Variants in CBX2 observed in about 807,000 individuals in gnomAD.
CBX2 encodes the protein chromobox protein homolog 2.
Under a neutral mutation model 21.0 loss-of-function variants are expected in CBX2, and 11 were observed. The observed-to-expected ratio is 0.52, with a 90% confidence interval of 0.33 to 0.87. The LOEUF (loss-of-function observed/expected upper bound fraction) is 0.87. CBX2 is among the 40% of genes least tolerant of loss of function. The probability of loss-of-function intolerance (pLI) is 0.02; values close to 1 mark genes in which losing one functional copy is unlikely to be tolerated. For missense variants in CBX2, 746 were observed against 724.3 expected, an observed-to-expected ratio of 1.03 and a Z score of -0.34; for synonymous variants, 364 against 304.6, an observed-to-expected ratio of 1.19 and a Z score of -2.03.
intron 3 of CBX2, 103 bp downstream of exon 3, chr17:79,779,530 G>C: frequency 1.0e-6 from 1 of 999,200 alleles, no homozygotes; most frequent in Non-Finnish European, 1.6e-6. Flanking sequence ...AGCTGGGGCT[G>C]TGGTCTGAGG....
rs1466913027 is a variant in CBX2, at chr17:79,778,855, C to G, written c.116+428C>G. ...GTGTTTGGCATCCCCGGAAGGGGCT[C>G]TCTGCACAGCTGCTCCCGCGGCCCC... On this transcript the variant is annotated intron_variant, in intron 2 of 4. Transcript: ENST00000310942. The surrounding 1 kb of genome is among the most constrained non-coding windows in gnomAD (Gnocchi z 4.8). 1.3e-5 allele frequency among the ~76,000 whole-genome samples: 2 copies of G among 152,056 alleles called. No individual in the cohort carries two copies. Among genetic ancestry groups the G allele is most frequent in the Non-Finnish European group, 2.9e-5 (2 of 67,998 alleles).
chr17:79,782,188 C>T (rs1555830556), intron 4 of CBX2: 2 of 1,612,048 alleles, frequency 1.2e-6, no homozygotes, highest in Non-Finnish European at 8.5e-7. Context: ...ACTCAAAAGC[C>T]TAAGATTTGG....
In CBX2 at chr17:79,778,164, C is replaced by G. The variant is rs1361315274; in HGVS notation, c.-72C>G. On this transcript the variant is annotated 5_prime_UTR_variant, in exon 1 of 5. Coordinates refer to ENST00000310942, the MANE Select transcript of CBX2 (RefSeq NM_005189.3). The surrounding 1 kb of genome is among the most constrained non-coding windows in gnomAD (Gnocchi z 4.8). ...GGCGGGGGCGGTGCTTTGTGTGCTGCCGGCGGGGCGCGCGGCGGTCCGGGC... is the reference window on the plus strand; with the variant it reads ...GGCGGGGGCGGTGCTTTGTGTGCTGGCGGCGGGGCGCGCGGCGGTCCGGGC... 2.3e-4 allele frequency: 205 copies of G among 908,204 alleles called. 1 individual carries two copies. The highest frequency in any genetic ancestry group is 4.6e-4 in the Admixed American group (9 of 19,598). The allele number at this position is 908,204 out of a possible 1,614,324, so 56.3% of individuals were successfully genotyped here. A position where few individuals can be genotyped will look rare whatever the true frequency, so the allele number is the denominator to read the frequency against.
chr17:79,782,584 C>A, intron 4 of CBX2: 3 of 813,630 alleles, frequency 3.7e-6, no homozygotes, highest in East Asian at 8.9e-5. Context: ...ACCTGCCTTT[C>A]CAGGAGGATT....
At chr17:79,782,415 G>T (rs1028346772) in intron 4 of CBX2, 1 of 1,338,472 alleles carries the variant, frequency 7.5e-7, no homozygotes, top group Non-Finnish European at 9.6e-7. Context: ...CGCCCCTGGG[G>T]TCCGTGGTAG....
chr17:79,781,874 G>A (rs1555830382), intron 4 of CBX2, 73 bp downstream of exon 4: 2 of 1,614,192 alleles, frequency 1.2e-6, no homozygotes, highest in East Asian at 4.5e-5. Flanking sequence ...GCAGAGGGAG[G>A]GTTTGGGGCC....
intron 4 of CBX2, chr17:79,782,511 C>T (rs1188251356): frequency 2.6e-6 from 3 of 1,175,316 alleles, no homozygotes; most frequent in South Asian, 1.9e-5. Flanking sequence ...GCTTTGATTC[C>T]CTCCTCCGGG....
chr17:79,784,189 G>T lies in CBX2; in HGVS notation c.746G>T (p.Gly249Val). 1.2e-6 allele frequency: 2 copies of T among 1,612,872 alleles called. No homozygotes were observed. The highest frequency in any genetic ancestry group is 1.7e-6 in the Non-Finnish European group (2 of 1,179,956). ...KGMASSPGRG[G>V]ISWQSSIVHY... ...ATGGCCAGTAGCCCCGGCCGGGGTG[G>T]CATCAGCTGGCAGAGCTCCATCGTG... Residue 249 changes from glycine to valine, a missense_variant, in exon 5 of 5, where the codon GGC (glycine) becomes GTC (valine). Gly to Val is a moderately radical substitution (Grantham distance 109). Coordinates refer to ENST00000310942, the MANE Select transcript of CBX2 (RefSeq NM_005189.3). The surrounding 1 kb of genome is among the most constrained non-coding windows in gnomAD (Gnocchi z 5.9).
At position 79,785,468 on chromosome 17, in the gene CBX2, C is replaced by A. The variant is rs969993598; in HGVS notation, c.*426C>A. The A allele has an allele frequency of 2.0e-5, 5 of 250,902 alleles. No individual in the cohort carries two copies. Among genetic ancestry groups the A allele is most frequent in the African/African-American group, 8.8e-5 (4 of 45,576 alleles). 15.5% of individuals were successfully genotyped at this position (250,902 alleles called of 1,614,324 possible). A position where few individuals can be genotyped will look rare whatever the true frequency, so the allele number is the denominator to read the frequency against. On this transcript the variant is annotated 3_prime_UTR_variant, in exon 5 of 5. Coordinates refer to ENST00000310942, the MANE Select transcript of CBX2 (RefSeq NM_005189.3). ...GGGCTGAGGTGTCAGGAGGGGACTT[C>A]TGGCCCACCTTGCCTTCAGCCCTGG...
upstream of CBX2, among the ~76,000 whole-genome samples, chr17:79,777,671 T>C (rs1906816957): frequency 6.6e-6 from 1 of 151,566 alleles, no homozygotes; most frequent in Non-Finnish European, 1.5e-5. Flanking sequence ...GAAAAGCCAG[T>C]TCAAGAAGCC....
In CBX2 at chr17:79,779,398, C is replaced by T; in HGVS notation, c.153C>T (p.Asp51=). The change falls in exon 3 of 5, where the codon GAC becomes GAT. Residue 51 remains aspartate, a synonymous_variant. Coordinates refer to ENST00000310942, the MANE Select transcript of CBX2 (RefSeq NM_005189.3). Reference sequence around the variant, plus strand: ...GGGAGCCGGAGGAGAACATCCTGGACCCGAGGCTGCTCCTGGCCTTCCAGA... The same window carrying T: ...GGGAGCCGGAGGAGAACATCCTGGATCCGAGGCTGCTCCTGGCCTTCCAGA... ...NSWEPEENIL[D]PRLLLAFQKK... 6.2e-7 allele frequency: 1 copy of T among 1,613,860 alleles called. No individual in the cohort carries two copies. Among genetic ancestry groups the T allele is most frequent in the South Asian group, 1.1e-5 (1 of 91,046 alleles).
chr17:79,783,499 T>C (rs1907389397), intron 4 of CBX2, among the ~76,000 whole-genome samples: 1 of 150,424 alleles, frequency 6.6e-6, no homozygotes, highest in Non-Finnish European at 1.5e-5. Flanking sequence ...AGCCTCCACC[T>C]CCCGATTTGA....
Position 79,783,767 on chromosome 17 carries a change from TTCCTCCTCTTCCTCCACGTCA to T in CBX2, c.339_359del (p.Thr114_Ser120del), listed in dbSNP as rs782585752. Reference sequence around the variant, plus strand: ...CTCCCTCCAAATCCAAGTCCAGCAGTTCCTCCTCTTCCTCCACGTCATCCTCCTCTTCCTCAGATGAAGAGG... The same window carrying T: ...CTCCCTCCAAATCCAAGTCCAGCAGTTCCTCCTCTTCCTCAGATGAAGAGG... On this transcript the variant is annotated inframe_deletion, in exon 5 of 5. Transcript: ENST00000310942. 40 of 1,557,462 alleles carry T rather than the reference TTCCTCCTCTTCCTCCACGTCA, an allele frequency of 2.6e-5. No homozygotes were observed. Among genetic ancestry groups the T allele is most frequent in the Middle Eastern group, 1.7e-4 (1 of 6,014 alleles).
In CBX2 at chr17:79,778,513, G is replaced by A; in HGVS notation, c.116+86G>A. Reference sequence around the variant, plus strand: ...AGCCCCTCGGCCGCGCCGTCCGGTGGCCTGGGGGCGCCCGCGGGCAGAGCG... The same window carrying A: ...AGCCCCTCGGCCGCGCCGTCCGGTGACCTGGGGGCGCCCGCGGGCAGAGCG... On this transcript the variant is annotated intron_variant, in intron 2 of 4. Coordinates refer to ENST00000310942, the MANE Select transcript of CBX2 (RefSeq NM_005189.3). This position sits in a 1 kb window ranked among gnomAD's most constrained non-coding sequence, Gnocchi z 4.8. 1.3e-6 allele frequency: 1 copy of A among 783,344 alleles called. No homozygotes were observed. The highest frequency in any genetic ancestry group is 1.8e-6 in the Non-Finnish European group (1 of 545,554). 48.5% of individuals were successfully genotyped at this position (783,344 alleles called of 1,614,324 possible).
At position 79,785,270 on chromosome 17, in the gene CBX2, C is replaced by T. The variant is rs79823889; in HGVS notation, c.*228C>T. 2 of 592,000 alleles carry T rather than the reference C, an allele frequency of 3.4e-6. No individual in the cohort carries two copies. The highest frequency in any genetic ancestry group is 6.0e-6 in the Non-Finnish European group (2 of 331,808). The allele number at this position is 592,000 out of a possible 1,614,324, so 36.7% of individuals were successfully genotyped here. On this transcript the variant is annotated 3_prime_UTR_variant, in exon 5 of 5. Coordinates refer to ENST00000310942, the MANE Select transcript of CBX2 (RefSeq NM_005189.3). ...TTGTTGGTCTCCACCTTGTTCCTAC[C>T]TCTGCAGGCCTCTTTGCTCTCCCCT...
At chr17:79,779,456 TGTG>T in intron 3 of CBX2, 29 bp downstream of exon 3, 1 of 1,595,874 alleles carries the variant, frequency 6.3e-7, no homozygotes. Flanking sequence ...CTGGGGAGGG[TGTG>T]GGGGAGGGAC....
chr17:79,783,221 CTCTA>C (rs1268386704), intron 4 of CBX2, among the ~76,000 whole-genome samples: 1 of 152,098 alleles, frequency 6.6e-6, no homozygotes, highest in African/African-American at 2.4e-5. Flanking sequence ...CTATTTTTCT[CTCTA>C]TCTACCTTTA....
At position 79,784,418 on chromosome 17, in the gene CBX2, G is replaced by C. The variant is rs782018806; in HGVS notation, c.975G>C (p.Gly325=). Residue 325 remains glycine (G), a synonymous_variant, in exon 5 of 5, where the codon GGG becomes GGC. Transcript: ENST00000310942. This position sits in a 1 kb window ranked among gnomAD's most constrained non-coding sequence, Gnocchi z 5.9. ...GAVEQKVGNT[G]GPPHTHGASR... is the part of the protein sequence containing the mutation. ...TGGAGCAGAAAGTGGGGAACACAGGGGGCCCCCCGCACACCCATGGTGCCA... is the reference window on the plus strand; with the variant it reads ...TGGAGCAGAAAGTGGGGAACACAGGCGGCCCCCCGCACACCCATGGTGCCA... 1.4e-5 allele frequency: 23 copies of C among 1,611,838 alleles called. No individual in the cohort carries two copies. The highest frequency in any genetic ancestry group is 2.2e-5 in the South Asian group (2 of 91,020).
rs1906949745 is a variant in CBX2 at position 79,778,948 on chromosome 17, C to A, written c.117-414C>A. Among the ~76,000 whole-genome samples the A allele has an allele frequency of 6.6e-6, 1 of 152,224 alleles. No homozygotes were observed. Among genetic ancestry groups the A allele is most frequent in the Admixed American group, 6.5e-5 (1 of 15,292 alleles). On this transcript the variant is annotated intron_variant, in intron 2 of 4. Coordinates refer to ENST00000310942, the MANE Select transcript of CBX2 (RefSeq NM_005189.3). The surrounding 1 kb of genome is among the most constrained non-coding windows in gnomAD (Gnocchi z 4.8). ...TCGAGGTGCCCCGGCCCGCGCGCCA[C>A]ATTGTTCTGGATCTCGGGCTGGGCG... is the stretch of plus-strand genomic sequence containing the variant.
Sources: gnomAD v4.1 joint callset for allele counts (sites outside exome capture counted in the v4.1 genomes callset) on GRCh38, gnomAD v4.1.1 for gene constraint, Gnocchi (gnomAD v3.1) non-coding constraint, MANE v1.5 for transcripts, NCBI Gene and HGNC (gene_info 2026-07-23, HGNC 2026-07-21) for gene names.